CNBD2: variants seen among roughly 807,000 people sequenced by gnomAD.
CNBD2 encodes cyclic nucleotide binding domain containing 2.
In CNBD2, 64 loss-of-function variants were observed where a neutral mutation model predicts 63.7. That is an observed-to-expected ratio of 1.00 (90% confidence interval 0.82 to 1.24). The LOEUF is 1.24. Ranked by LOEUF, CNBD2 falls within the 50% of genes most tolerant of loss-of-function variation. The probability of loss-of-function intolerance (pLI) is 0.00; values close to 1 mark genes in which losing one functional copy is unlikely to be tolerated. For synonymous variants in CNBD2, 229 were observed against 255.4 expected, an observed-to-expected ratio of 0.90 and a Z score of 0.99; for missense variants, 691 against 713.5, an observed-to-expected ratio of 0.97 and a Z score of 0.36.
At chr20:35,985,434 G>A (rs1280824602) in intron 6 of CNBD2, among the ~76,000 whole-genome samples, 2 of 151,736 alleles carry the variant, frequency 1.3e-5, no homozygotes, top group African/African-American at 4.8e-5. Flanking sequence ...CTAAAGTGCT[G>A]GGATTACAGA....
chr20:35,993,864 A>C (rs1381458078), intron 7 of CNBD2, among the ~76,000 whole-genome samples: 2 of 146,368 alleles, frequency 1.4e-5, no homozygotes, highest in African/African-American at 5.1e-5. Flanking sequence ...TAATTCAGCT[A>C]ATCTTTTTTT....
chr20:36,014,786 C>G (rs2057112976), intron 10 of CNBD2, among the ~76,000 whole-genome samples: 1 of 151,950 alleles, frequency 6.6e-6, no homozygotes, highest in Non-Finnish European at 1.5e-5. Flanking sequence ...TGTGTGCTGC[C>G]ATGCCCAACT....
In CNBD2 at chr20:36,030,607, A is replaced by G. The variant is rs1770815920; in HGVS notation, c.1690A>G (p.Ile564Val). The G allele has an allele frequency of 3.7e-6, 6 of 1,614,076 alleles. No homozygotes were observed. The highest frequency in any genetic ancestry group is 1.1e-5 in the South Asian group (1 of 91,082). ...YLPPLRIVQA[I>V]KAPRYKIREL... is the part of the protein sequence containing the mutation. ...CCCCCCATTGAGGATTGTCCAAGCC[A>G]TCAAAGCACCTCGGTACAAAATCCG... Residue 564 changes from isoleucine to valine, a missense_variant, in exon 12 of 12, where the codon ATC (isoleucine) becomes GTC (valine). Physicochemically the swap from Ile to Val is conservative, Grantham distance 29. Transcript: ENST00000373973.
chr20:36,010,351 G>A lies in CNBD2; in HGVS notation c.1149-786G>A, dbSNP rs182081646. On this transcript the variant is annotated intron_variant, in intron 9 of 11. Transcript: ENST00000373973. ...ACGAGCACCCTGTGACTTTTGAGACGTTATGGATAATCCTTCTGAAGAATC... is the reference window on the plus strand; with the variant it reads ...ACGAGCACCCTGTGACTTTTGAGACATTATGGATAATCCTTCTGAAGAATC... 1.9e-4 allele frequency among the ~76,000 whole-genome samples: 28 copies of A among 150,350 alleles called. No individual in the cohort carries two copies. The East Asian group carries it at 4.9e-3, about 26-fold the overall frequency.
chr20:35,979,051 G>T (rs1241289847), intron 3 of CNBD2, among the ~76,000 whole-genome samples: 1 of 152,198 alleles, frequency 6.6e-6, no homozygotes, highest in Non-Finnish European at 1.5e-5. Context: ...TGGGATTATG[G>T]TCAGTCATTC....
intron 7 of CNBD2, among the ~76,000 whole-genome samples, chr20:35,988,507 C>T (rs2056700067): frequency 6.6e-6 from 1 of 152,134 alleles, no homozygotes; most frequent in Non-Finnish European, 1.5e-5. Flanking sequence ...GATATGACCA[C>T]ATTAGGAAAC....
intron 11 of CNBD2, among the ~76,000 whole-genome samples, chr20:36,025,901 T>C (rs2057277227): frequency 6.6e-6 from 1 of 152,072 alleles, no homozygotes; most frequent in South Asian, 2.1e-4. Context: ...TACCAATATA[T>C]ATTATAAACA....
chr20:35,988,761 C>G (rs1435414923), intron 7 of CNBD2, among the ~76,000 whole-genome samples: 4 of 152,080 alleles, frequency 2.6e-5, no homozygotes, highest in Non-Finnish European at 5.9e-5. Flanking sequence ...AGAGCCCCAC[C>G]TTATCTAGTG....
chr20:36,012,578 G>A (rs1185740808), intron 10 of CNBD2, among the ~76,000 whole-genome samples: 5 of 151,812 alleles, frequency 3.3e-5, no homozygotes, highest in African/African-American at 7.2e-5. Context: ...CGTGGCTCAC[G>A]CCTGTAATCC....
chr20:35,971,131 T>C (rs924633582), intron 1 of CNBD2, among the ~76,000 whole-genome samples: 16 of 150,752 alleles, frequency 1.1e-4, no homozygotes, highest in Non-Finnish European at 1.6e-4. Context: ...GTATTTTTAG[T>C]AGAGACGGGG....
At position 36,014,805 on chromosome 20, in the gene CNBD2, T is replaced by C. The variant is rs552222384; in HGVS notation, c.1269+3548T>C. On this transcript the variant is annotated intron_variant, in intron 10 of 11. Transcript: ENST00000373973. Reference sequence around the variant, plus strand: ...TGCTGCCATGCCCAACTAATTTTTTTTATTTTTCGTTAGAGACAGGGTCTC... The same window carrying C: ...TGCTGCCATGCCCAACTAATTTTTTCTATTTTTCGTTAGAGACAGGGTCTC... Among the ~76,000 whole-genome samples, 7 of 151,936 alleles carry C rather than the reference T, an allele frequency of 4.6e-5. No individual in the cohort carries two copies. The East Asian group carries it at 1.2e-3, about 25-fold the overall frequency.
intron 8 of CNBD2, among the ~76,000 whole-genome samples, chr20:35,997,895 T>C (rs749396002): frequency 1.4e-4 from 22 of 152,162 alleles, no homozygotes; most frequent in Middle Eastern, 6.3e-3. Context: ...ATGTTGTATT[T>C]TCAATGTTAT....
At chr20:36,013,795 G>T (rs2057096299) in intron 10 of CNBD2, among the ~76,000 whole-genome samples, 1 of 152,166 alleles carries the variant, frequency 6.6e-6, no homozygotes, top group Admixed American at 6.5e-5. Context: ...GGGGAGCCTA[G>T]AATACTCCAT....
intron 8 of CNBD2, among the ~76,000 whole-genome samples, chr20:36,003,582 T>C (rs2056945423): frequency 6.6e-6 from 1 of 152,226 alleles, no homozygotes; most frequent in African/African-American, 2.4e-5. Context: ...GGAAAAGGAC[T>C]ATTTCTGGTC....
At chr20:35,981,376 A>G (rs774133395) in intron 4 of CNBD2, among the ~76,000 whole-genome samples, 29 of 152,152 alleles carry the variant, frequency 1.9e-4, no homozygotes, top group Non-Finnish European at 4.1e-4. Context: ...CTAGCTGAAT[A>G]TTCCTGCTAT....
chr20:35,960,754 TTCTCTTCCC>T (rs2056301042), intron 2 of CNBD2, among the ~76,000 whole-genome samples: 1 of 79,948 alleles, frequency 1.3e-5, no homozygotes, highest in East Asian at 3.2e-4. Flanking sequence ...TTCTCTTCCC[TTCTCTTCCC>T]TTCTCTTCCC....
At chr20:35,967,801 T>C (rs2056359047), upstream of CNBD2, among the ~76,000 whole-genome samples, 1 of 152,092 alleles carries the variant, frequency 6.6e-6, no homozygotes, top group African/African-American at 2.4e-5. Context: ...TGCAGTGAGC[T>C]GAGATTGGGC....
intron 11 of CNBD2, among the ~76,000 whole-genome samples, chr20:36,024,256 A>G (rs1442444540): frequency 2.6e-5 from 4 of 151,960 alleles, no homozygotes; most frequent in Admixed American, 2.0e-4. Flanking sequence ...AATCGCTTGA[A>G]CCCGGGAGAC....
chr20:36,007,764 C>G (rs534889038), intron 8 of CNBD2, among the ~76,000 whole-genome samples: 1 of 152,266 alleles, frequency 6.6e-6, no homozygotes, highest in Non-Finnish European at 1.5e-5. Context: ...CTCAAGTGAT[C>G]CTCTACTTTG....
Sources: allele counts gnomAD v4.1 joint callset (sites outside exome capture counted in the v4.1 genomes callset), GRCh38; gene constraint gnomAD v4.1.1; transcripts MANE v1.5; gene names NCBI Gene and HGNC (gene_info 2026-07-23, HGNC 2026-07-21).